The following CMTR1 variants were observed in gnomAD, a reference collection of about 807,000 sequenced individuals.
The protein encoded by CMTR1 is cap-specific mRNA (nucleoside-2'-O-)-methyltransferase 1.
Under a neutral mutation model 107.0 loss-of-function variants are expected in CMTR1, and 39 were observed. That is an observed-to-expected ratio of 0.36 (90% CI 0.28 to 0.48). CMTR1 has a LOEUF of 0.48. Among genes scored for constraint, CMTR1 ranks in the 20% least tolerant of loss-of-function variants. The pLI is 0.99. For synonymous variants in CMTR1, 366 were observed against 379.5 expected (o/e 0.96, Z 0.41); for missense variants, 672 against 1,064.9 (o/e 0.63, Z 5.14).
At chr6:37,470,192 G>A (rs1385599796) in intron 13 of CMTR1, among the ~76,000 whole-genome samples, 2 of 150,538 alleles carry the variant, frequency 1.3e-5, no homozygotes, top group Non-Finnish European at 3.0e-5. Flanking sequence ...TGTTGCCCAG[G>A]CTGGAGTGCA....
chr6:37,451,199 A>T (rs2113872455), intron 5 of CMTR1, among the ~76,000 whole-genome samples: 1 of 152,274 alleles, frequency 6.6e-6, no homozygotes, highest in South Asian at 2.1e-4. Context: ...TAGATAATAG[A>T]TTACCTGTCT....
At chr6:37,426,589 A>G in the CMTR1 span, among the ~76,000 whole-genome samples, 1 of 151,434 alleles carries the variant, frequency 6.6e-6, no homozygotes, top group Non-Finnish European at 1.5e-5. Flanking sequence ...GCTGGAGTGC[A>G]GTAACGCAAT....
chr6:37,475,990 TG>T, intron 19 of CMTR1, 135 bp from the exon 20 acceptor site: 2 of 792,024 alleles, frequency 2.5e-6, no homozygotes, highest in South Asian at 1.5e-5. Flanking sequence ...CTGGGGGACA[TG>T]GGTGCTGCCT....
chr6:37,437,744 C>T (rs1342704169), intron 2 of CMTR1, among the ~76,000 whole-genome samples: 1 of 152,048 alleles, frequency 6.6e-6, no homozygotes, highest in African/African-American at 2.4e-5. Context: ...TACCTCTCAC[C>T]TGGAATTTGA....
At position 37,480,364 on chromosome 6, in the gene CMTR1, T is replaced by G; in HGVS notation, c.*219T>G. The G allele has an allele frequency of 7.4e-7, 1 of 1,350,428 alleles. No homozygotes were observed. The highest frequency in any genetic ancestry group is 9.4e-7 in the Non-Finnish European group (1 of 1,060,400). 83.7% of individuals were successfully genotyped at this position (1,350,428 alleles called of 1,614,324 possible). On this transcript the variant is annotated 3_prime_UTR_variant, in exon 24 of 24. Coordinates refer to ENST00000373451, the MANE Select transcript of CMTR1 (RefSeq NM_015050.3). Reference sequence around the variant, plus strand: ...CTTCTGGGACACCTGCCTGGGAACTTTCCCCTGCCAGGACTCAGCCTGAAG... The same window carrying G: ...CTTCTGGGACACCTGCCTGGGAACTGTCCCCTGCCAGGACTCAGCCTGAAG...
rs1462920209 is a variant in CMTR1 at position 37,476,112 on chromosome 6, T to G, written c.2037-14T>G. 3 of 1,613,840 alleles carry G rather than the reference T, an allele frequency of 1.9e-6. No homozygotes were observed. Among genetic ancestry groups the G allele is most frequent in the African/African-American group, 2.7e-5 (2 of 74,878 alleles). On this transcript the variant is annotated splice_polypyrimidine_tract_variant and intron_variant, in intron 19 of 23. Coordinates refer to ENST00000373451, the MANE Select transcript of CMTR1 (RefSeq NM_015050.3). Reference sequence around the variant, plus strand: ...TCCTTGGCTTGCCTCTCAGAGAGACTGTTTGGATTGTAGAATTCAGCTTGC... The same window carrying G: ...TCCTTGGCTTGCCTCTCAGAGAGACGGTTTGGATTGTAGAATTCAGCTTGC...
chr6:37,436,527 G>C (rs1049881457), intron 2 of CMTR1: 1 of 152,218 alleles, frequency 6.6e-6, no homozygotes, highest in Middle Eastern at 3.2e-3. Flanking sequence ...CAAAGTGTTG[G>C]TGGGGCCATG....
At chr6:37,428,871 G>A (rs1771327945), upstream of CMTR1, among the ~76,000 whole-genome samples, 1 of 152,142 alleles carries the variant, frequency 6.6e-6, no homozygotes, top group African/African-American at 2.4e-5. Flanking sequence ...GATGCATTTG[G>A]AAGTGGATTT....
chr6:37,437,575 A>T (rs948052372), intron 2 of CMTR1, among the ~76,000 whole-genome samples: 2 of 151,662 alleles, frequency 1.3e-5, no homozygotes, highest in African/African-American at 4.9e-5. Flanking sequence ...GTGGCCCAAG[A>T]CAATTCTTCC....
chr6:37,463,041 C>T (rs780715339), intron 13 of CMTR1, 33 bp downstream of exon 13: 1 of 1,601,286 alleles, frequency 6.2e-7, no homozygotes, highest in Middle Eastern at 1.7e-4. Context: ...GCTGGTAACA[C>T]TGAGGTCCTA....
chr6:37,437,516 CA>C (rs35749564), intron 2 of CMTR1, among the ~76,000 whole-genome samples: 69 of 118,344 alleles, frequency 5.8e-4, no homozygotes, highest in Admixed American at 2.2e-3. Context: ...GAGTCCGTCT[CA>C]AAAAAAAAAA....
At chr6:37,433,805 G>A (rs962586179) in intron 1 of CMTR1, among the ~76,000 whole-genome samples, 2 of 152,214 alleles carry the variant, frequency 1.3e-5, no homozygotes, top group African/African-American at 4.8e-5. Flanking sequence ...GCATGTGTGG[G>A]TCACTTGAGC....
chr6:37,478,004 G>T (rs903307701), intron 21 of CMTR1, among the ~76,000 whole-genome samples: 2 of 152,196 alleles, frequency 1.3e-5, no homozygotes, highest in Non-Finnish European at 2.9e-5. Context: ...GGTAGAAGGG[G>T]CATAAATGCG....
Position 37,479,995 on chromosome 6 carries a change from C to T in CMTR1, c.2376-18C>T. 1 of 1,559,240 alleles carries T rather than the reference C, an allele frequency of 6.4e-7. No individual in the cohort carries two copies. The highest frequency in any genetic ancestry group is 8.6e-7 in the Non-Finnish European group (1 of 1,158,594). ...CTGGGTGCAGTCCTGACCTCTTTCCCATCCCTCTCCTCCCCAGCATTTGCT... is the reference window on the plus strand; with the variant it reads ...CTGGGTGCAGTCCTGACCTCTTTCCTATCCCTCTCCTCCCCAGCATTTGCT... On this transcript the variant is annotated intron_variant, in intron 23 of 23. Coordinates refer to ENST00000373451, the MANE Select transcript of CMTR1 (RefSeq NM_015050.3).
intron 8 of CMTR1, among the ~76,000 whole-genome samples, chr6:37,454,541 C>T (rs935511228): frequency 1.3e-5 from 2 of 152,238 alleles, no homozygotes; most frequent in Non-Finnish European, 2.9e-5. Flanking sequence ...TGGGAAGTCA[C>T]AGTGTCTTTT....
Position 37,458,927 on chromosome 6 carries a change from G to C in CMTR1, c.976+117G>C, listed in dbSNP as rs1269044636. On this transcript the variant is annotated intron_variant, in intron 9 of 23. Coordinates refer to ENST00000373451, the MANE Select transcript of CMTR1 (RefSeq NM_015050.3). The surrounding 1 kb of genome is among the most constrained non-coding windows in gnomAD (Gnocchi z 4.7). The stretch of plus-strand genomic sequence containing the variant: ...TTTTCTTTCCTAGGTCTCTTACCCT[G>C]GGCTTCACAGTTCATGTCAGAATCT... 2.0e-5 allele frequency: 18 copies of C among 900,766 alleles called. No individual in the cohort carries two copies. The highest frequency in any genetic ancestry group is 3.0e-5 in the Non-Finnish European group (18 of 595,372). 55.8% of individuals were successfully genotyped at this position (900,766 alleles called of 1,614,324 possible).
At chr6:37,443,585 C>G (rs988964135) in intron 2 of CMTR1, among the ~76,000 whole-genome samples, 14 of 152,204 alleles carry the variant, frequency 9.2e-5, no homozygotes, top group Non-Finnish European at 1.8e-4. Flanking sequence ...GAACTCCTGA[C>G]CTCAAGTGAT....
At chr6:37,444,176 C>G (rs1353058875) in intron 3 of CMTR1, 26 bp downstream of exon 3, 1 of 1,609,368 alleles carries the variant, frequency 6.2e-7, no homozygotes, top group Non-Finnish European at 8.5e-7. Context: ...GGTTGGGTTT[C>G]TCAAGCCCCA....
At position 37,478,540 on chromosome 6, in the gene CMTR1, TTCCCGCCATC is replaced by T; in HGVS notation, c.2266+20_2266+29del. 6.3e-7 allele frequency: 1 copy of T among 1,586,276 alleles called. No individual in the cohort carries two copies. The highest frequency in any genetic ancestry group is 8.7e-7 in the Non-Finnish European group (1 of 1,154,940). On this transcript the variant is annotated intron_variant, in intron 22 of 23. Transcript: ENST00000373451. ...GTGAATGGTGGGTGAGGAGGGACTG[TTCCCGCCATC>T]CCCTCCCCTCTCCCCTCTCCTCGCC...
Sources: allele counts gnomAD v4.1 joint callset (sites outside exome capture counted in the v4.1 genomes callset), GRCh38; gene constraint gnomAD v4.1.1; non-coding constraint Gnocchi (gnomAD v3.1); transcripts MANE v1.5; gene names NCBI Gene and HGNC (gene_info 2026-07-23, HGNC 2026-07-21).